TSHZ2: variants seen among roughly 807,000 people sequenced by gnomAD.
The protein encoded by TSHZ2 is teashirt homolog 2.
Under a neutral mutation model 74.4 loss-of-function variants are expected in TSHZ2, and 21 were observed. That is an observed-to-expected ratio of 0.28 (90% confidence interval 0.20 to 0.41). The LOEUF (loss-of-function observed/expected upper bound fraction) is 0.41, where lower values mean the gene tolerates loss of function less well. Ranked by LOEUF, TSHZ2 falls within the 10% of genes least tolerant of loss-of-function variation. The pLI is 1.00. For synonymous variants in TSHZ2, 540 were observed against 515.3 expected, an observed-to-expected ratio of 1.05 and a Z score of -0.65; for missense variants, 1,244 against 1,293.5, an observed-to-expected ratio of 0.96 and a Z score of 0.59.
In TSHZ2 at chr20:53,378,741, T is replaced by C. The variant is rs192980073; in HGVS notation, c.*9-108403T>C. Among the ~76,000 whole-genome samples the C allele has an allele frequency of 3.4e-4, 52 of 152,240 alleles. No homozygotes were observed. In the East Asian group the frequency reaches 8.7e-3, roughly 25 times the overall value. Reference sequence around the variant, plus strand: ...TTATTGATCACAAAACTTATTGTAATATGTCTTTAAAAAAAAACTGCCACA... The same window carrying C: ...TTATTGATCACAAAACTTATTGTAACATGTCTTTAAAAAAAAACTGCCACA... On this transcript the variant is annotated intron_variant, in intron 2 of 2. Coordinates refer to ENST00000371497, the MANE Select transcript of TSHZ2 (RefSeq NM_173485.6).
intron 2 of TSHZ2, among the ~76,000 whole-genome samples, chr20:53,343,263 G>T (rs925133797): frequency 6.6e-6 from 1 of 151,978 alleles, no homozygotes; most frequent in African/African-American, 2.4e-5. Context: ...CACCGCACCG[G>T]GCCAGGACCC....
At chr20:53,057,941 GT>G (rs556355946) in intron 1 of TSHZ2, among the ~76,000 whole-genome samples, 45 of 152,302 alleles carry the variant, frequency 3.0e-4, no homozygotes, top group African/African-American at 8.9e-4. Context: ...TAGATCGGTG[GT>G]CCCCAACCTT....
chr20:53,358,093 T>A (rs1980911493), intron 2 of TSHZ2, among the ~76,000 whole-genome samples: 1 of 152,088 alleles, frequency 6.6e-6, no homozygotes, highest in Non-Finnish European at 1.5e-5. Flanking sequence ...TCTTTAAAAG[T>A]GCCATAATGA....
chr20:53,449,169 AACCC>A (rs1282294329), intron 2 of TSHZ2, among the ~76,000 whole-genome samples: 1 of 152,174 alleles, frequency 6.6e-6, no homozygotes, highest in Non-Finnish European at 1.5e-5. Flanking sequence ...AACCACTCTT[AACCC>A]CTGGAAGGTA....
chr20:53,134,570 T>C (rs1470070150), intron 1 of TSHZ2, among the ~76,000 whole-genome samples: 1 of 152,180 alleles, frequency 6.6e-6, no homozygotes. Context: ...CTTGTCTGTG[T>C]CTTCCGAAGG....
intron 1 of TSHZ2, among the ~76,000 whole-genome samples, chr20:53,055,966 G>A (rs959760216): frequency 2.6e-5 from 4 of 152,194 alleles, no homozygotes; most frequent in Non-Finnish European, 5.9e-5. Flanking sequence ...GGCCCTTGAT[G>A]GAAAATGTTT....
chr20:53,156,736 G>C (rs73270631), intron 1 of TSHZ2, among the ~76,000 whole-genome samples: 2,063 of 152,312 alleles, frequency 0.014, 41 homozygotes, highest in African/African-American at 0.047. Context: ...CAAATGTCGT[G>C]ATTTCTACAC....
intron 1 of TSHZ2, among the ~76,000 whole-genome samples, chr20:53,149,039 C>A (rs544871011): frequency 6.6e-6 from 1 of 152,174 alleles, no homozygotes; most frequent in African/African-American, 2.4e-5. Flanking sequence ...CCAGTTTCTC[C>A]GTAGATAAAT....
At chr20:53,389,375 C>T (rs1982168115) in intron 2 of TSHZ2, among the ~76,000 whole-genome samples, 1 of 152,210 alleles carries the variant, frequency 6.6e-6, no homozygotes, top group Non-Finnish European at 1.5e-5. Flanking sequence ...GATTGTGTCT[C>T]TATTGCTTGT....
At chr20:53,085,923 G>A (rs965850985) in intron 1 of TSHZ2, among the ~76,000 whole-genome samples, 4 of 152,158 alleles carry the variant, frequency 2.6e-5, no homozygotes, top group Non-Finnish European at 5.9e-5. Flanking sequence ...GCTTCTCAAA[G>A]TTCTCCTCTC....
In TSHZ2 at chr20:53,164,425, TAA is replaced by T. The variant is rs35106499; in HGVS notation, c.41-89063_41-89062del. On this transcript the variant is annotated intron_variant, in intron 1 of 2. Transcript: ENST00000371497. ...AGATCATTTTCCTGGTCACCTTTCT[TAA>T]AAAAAAAAAAGGAATATACATAGGG... 5.6e-4 allele frequency among the ~76,000 whole-genome samples: 82 copies of T among 147,032 alleles called. No homozygotes were observed. In the East Asian group the frequency reaches 8.6e-3, roughly 16 times the overall value.
intron 1 of TSHZ2, among the ~76,000 whole-genome samples, chr20:53,143,281 T>C (rs1987454507): frequency 6.6e-6 from 1 of 152,206 alleles, no homozygotes; most frequent in Non-Finnish European, 1.5e-5. Flanking sequence ...CAGTTTCCTA[T>C]GTGGAAACTT....
intron 2 of TSHZ2, among the ~76,000 whole-genome samples, chr20:53,270,030 T>A (rs1230079904): frequency 6.7e-6 from 1 of 148,650 alleles, no homozygotes; most frequent in Non-Finnish European, 1.5e-5. Flanking sequence ...AACTGAGGCA[T>A]TTTTCAATAA....
chr20:53,252,900 C>T (rs1279597589), intron 1 of TSHZ2, among the ~76,000 whole-genome samples: 3 of 151,998 alleles, frequency 2.0e-5, no homozygotes, highest in Non-Finnish European at 4.4e-5. Flanking sequence ...ATTTGCATAC[C>T]CCATCATCTC....
chr20:53,327,204 A>G (rs1979529533), intron 2 of TSHZ2, among the ~76,000 whole-genome samples: 1 of 152,244 alleles, frequency 6.6e-6, no homozygotes, highest in Admixed American at 6.5e-5. Context: ...AAACCAGAAC[A>G]TACAGGTCAC....
At chr20:53,447,454 C>A (rs1984597980) in intron 2 of TSHZ2, among the ~76,000 whole-genome samples, 1 of 152,198 alleles carries the variant, frequency 6.6e-6, no homozygotes, top group Non-Finnish European at 1.5e-5. Context: ...ACCCAACTTC[C>A]CCTAATGTCT....
chr20:53,390,864 T>C lies in TSHZ2; in HGVS notation c.*9-96280T>C, dbSNP rs1982223054. On this transcript the variant is annotated intron_variant, in intron 2 of 2. Coordinates refer to ENST00000371497, the MANE Select transcript of TSHZ2 (RefSeq NM_173485.6). ...ATTCTAACTGGCATGAGATAGTATCTCATTGTGGTTTTGATTTGGCCAGCA... is the reference window on the plus strand; with the variant it reads ...ATTCTAACTGGCATGAGATAGTATCCCATTGTGGTTTTGATTTGGCCAGCA... 2.0e-5 allele frequency among the ~76,000 whole-genome samples: 3 copies of C among 152,336 alleles called. No individual in the cohort carries two copies. The South Asian group carries it at 6.2e-4, about 32-fold the overall frequency.
chr20:53,053,510 A>G (rs995813190), intron 1 of TSHZ2, among the ~76,000 whole-genome samples: 1 of 152,074 alleles, frequency 6.6e-6, no homozygotes, highest in Non-Finnish European at 1.5e-5. Flanking sequence ...TATTCCCTCC[A>G]AATAAAAAAG....
At chr20:52,984,588 G>C (rs939909669) in intron 1 of TSHZ2, among the ~76,000 whole-genome samples, 6 of 152,082 alleles carry the variant, frequency 3.9e-5, no homozygotes, top group African/African-American at 1.4e-4. Flanking sequence ...GAGCAGGGAG[G>C]GTAAAGATAA....
Sources: allele counts gnomAD v4.1 joint callset (sites outside exome capture counted in the v4.1 genomes callset), GRCh38; gene constraint gnomAD v4.1.1; transcripts MANE v1.5; gene names NCBI Gene and HGNC (gene_info 2026-07-23, HGNC 2026-07-21).